CEP152: variants seen among roughly 807,000 people sequenced by gnomAD.
CEP152 encodes centrosomal protein 152, also known as centrosomal protein of 152 kDa.
CEP152 carries 132 observed loss-of-function variants against 188.9 expected under a neutral mutation model. The observed-to-expected ratio is 0.70, with a 90% CI of 0.61 to 0.81. CEP152 has a LOEUF of 0.81. Ranked by LOEUF, CEP152 falls within the 30% of genes least tolerant of loss-of-function variation. CEP152 has a pLI of 0.00. For missense variants in CEP152, 1,914 were observed against 1,969.8 expected (o/e 0.97, Z 0.54); for synonymous variants, 649 against 666.6 (o/e 0.97, Z 0.41).
intron 8 of CEP152, among the ~76,000 whole-genome samples, chr15:48,790,128 A>G (rs144156933): frequency 6.6e-6 from 1 of 152,376 alleles, no homozygotes; most frequent in African/African-American, 2.4e-5. Flanking sequence ...ATTATTCTTC[A>G]TTCTATTCCA....
chr15:48,744,128 GTAATTTGGAA>G, intron 24 of CEP152, 102 bp downstream of exon 24: 2 of 1,503,908 alleles, frequency 1.3e-6, no homozygotes, highest in East Asian at 4.9e-5. Flanking sequence ...GAAGAAAAAG[GTAATTTGGAA>G]AATTCCCTAG....
chr15:48,736,710 C>CA, downstream of CEP152, among the ~76,000 whole-genome samples: 1 of 152,148 alleles, frequency 6.6e-6, no homozygotes, highest in African/African-American at 2.4e-5. Flanking sequence ...TTATGAGTAT[C>CA]AAAAAAGATT....
At chr15:48,734,396 TAA>T (rs571173931), downstream of CEP152, among the ~76,000 whole-genome samples, 1 of 135,092 alleles carries the variant, frequency 7.4e-6, no homozygotes. Context: ...GAAAAATAGC[TAA>T]AAAAAAAAAG....
chr15:48,781,493 T>G, intron 11 of CEP152, 134 bp from the exon 12 acceptor site: 1 of 653,404 alleles, frequency 1.5e-6, no homozygotes, highest in South Asian at 1.9e-5. Context: ...TAGTACACAT[T>G]ATACTTTATA....
chr15:48,751,209 A>G (rs1017746175), intron 21 of CEP152, among the ~76,000 whole-genome samples: 4 of 152,130 alleles, frequency 2.6e-5, no homozygotes, highest in African/African-American at 9.7e-5. Flanking sequence ...CTAAAGAAAA[A>G]TATTTTTATA....
chr15:48,741,964 C>T lies in CEP152; in HGVS notation c.3972G>A (p.Gln1324=). 1 of 1,614,156 alleles carries T rather than the reference C, an allele frequency of 6.2e-7. No individual in the cohort carries two copies. The highest frequency in any genetic ancestry group is 8.5e-7 in the Non-Finnish European group (1 of 1,180,012). The change falls in exon 25 of 27, where the codon CAG becomes CAA. Residue 1324 remains glutamine, a synonymous_variant. Transcript: ENST00000380950. ...GAACTCACCCTTCTTTTCCATCATC[C>T]TGCAAAATCTGTTGGAGGCAAATCA... ...YYLICLQQIL[Q]DDGKEGAEKK...
rs1566986666 is a variant in CEP152, at chr15:48,756,020, A to G, written c.3228T>C (p.Thr1076=). The part of the protein sequence containing the change: ...EDKQLLEIMS[T]CSSKWMSVQY... ...GCACAGACATCCATTTTGAAGAACA[A>G]GTCGACATGATTTCCAAAAGCTGCT... The change falls in exon 20 of 27, where the codon ACT becomes ACC. Residue 1076 remains threonine, a synonymous_variant. Coordinates refer to ENST00000380950, the MANE Select transcript of CEP152 (RefSeq NM_001194998.2). The G allele has an allele frequency of 1.9e-6, 3 of 1,614,132 alleles. No homozygotes were observed. Among genetic ancestry groups the G allele is most frequent in the Non-Finnish European group, 2.5e-6 (3 of 1,179,982 alleles).
chr15:48,743,145 GT>G lies in CEP152; in HGVS notation c.3836-1046del, dbSNP rs1041932535. Among the ~76,000 whole-genome samples the G allele has an allele frequency of 3.2e-4, 49 of 152,264 alleles. 1 individual carries two copies. The highest frequency in any genetic ancestry group is 1.1e-3 in the African/African-American group (45 of 41,536). On this transcript the variant is annotated intron_variant, in intron 24 of 26. Transcript: ENST00000380950. ...TAATACATTATTAACAAAAAGTTGC[GT>G]TGCTTGTAGCAATATGCCCTTTATT...
chr15:48,786,962 A>G (rs551211688), intron 9 of CEP152, among the ~76,000 whole-genome samples: 5 of 152,218 alleles, frequency 3.3e-5, no homozygotes, highest in African/African-American at 1.2e-4. Flanking sequence ...CCCCAACCCA[A>G]TAAGGAAAAG....
At chr15:48,751,022 T>C (rs952375704) in intron 21 of CEP152, among the ~76,000 whole-genome samples, 39 of 152,172 alleles carry the variant, frequency 2.6e-4, no homozygotes, top group African/African-American at 8.4e-4. Context: ...TATTTCATAA[T>C]TAATGTTTTA....
At chr15:48,801,048 A>G (rs923053471) in intron 2 of CEP152, among the ~76,000 whole-genome samples, 4 of 152,202 alleles carry the variant, frequency 2.6e-5, no homozygotes, top group African/African-American at 9.6e-5. Context: ...AATATTCATG[A>G]AGGCAAGAGG....
chr15:48,800,447 C>A (rs1205946336), intron 2 of CEP152, among the ~76,000 whole-genome samples: 1 of 152,058 alleles, frequency 6.6e-6, no homozygotes, highest in African/African-American at 2.4e-5. Flanking sequence ...AAAGTGTGCC[C>A]TCCTCATATA....
chr15:48,736,201 C>T (rs555521559), downstream of CEP152, among the ~76,000 whole-genome samples: 1 of 152,272 alleles, frequency 6.6e-6, no homozygotes, highest in East Asian at 1.9e-4. Context: ...ACCTAGTAAA[C>T]TCCATCCAAT....
intron 17 of CEP152, among the ~76,000 whole-genome samples, chr15:48,766,286 T>C (rs1595637008): frequency 1.3e-5 from 2 of 152,238 alleles, no homozygotes; most frequent in African/African-American, 4.8e-5. Flanking sequence ...GTATAGAACA[T>C]TTATTTAAGC....
At chr15:48,751,503 C>T (rs1034402291) in intron 21 of CEP152, among the ~76,000 whole-genome samples, 1 of 152,150 alleles carries the variant, frequency 6.6e-6, no homozygotes, top group Non-Finnish European at 1.5e-5. Flanking sequence ...GGCAGAGATT[C>T]TCTAAGATTC....
rs116967603 is a variant in CEP152 at position 48,742,640 on chromosome 15, T to C, written c.3836-540A>G. ...CACTTTTTGAGCATCTAACTAAATA[T>C]AATATTACAATTCATAAGAGATATG... On this transcript the variant is annotated intron_variant, in intron 24 of 26. Transcript: ENST00000380950. 2.8e-4 allele frequency among the ~76,000 whole-genome samples: 43 copies of C among 152,170 alleles called. 1 individual carries two copies. The East Asian group carries it at 8.3e-3, about 29-fold the overall frequency.
chr15:48,742,471 T>C (rs1893049475), intron 24 of CEP152, among the ~76,000 whole-genome samples: 2 of 151,862 alleles, frequency 1.3e-5, no homozygotes, highest in African/African-American at 2.4e-5. Flanking sequence ...AAAAATAAAA[T>C]ATAGAGAAAA....
At chr15:48,735,006 T>A (rs973824950), downstream of CEP152, among the ~76,000 whole-genome samples, 6 of 152,182 alleles carry the variant, frequency 3.9e-5, no homozygotes, top group Non-Finnish European at 8.8e-5. Flanking sequence ...TGAACAATGC[T>A]ATCAACCAAC....
rs774775465 is a variant in CEP152 at position 48,762,513 on chromosome 15, C to T, written c.2440G>A (p.Glu814Lys). ...ISKKEMAIMIEEQKCTIQQNL... is the reference protein window; with the variant it reads ...ISKKEMAIMIKEQKCTIQQNL... ...TGCTGGATTGTGCACTTCTGCTCTT[C>T]TATCATAATTGCCATCTCTTTCTTG... Residue 814 changes from glutamate to lysine, a missense_variant, in exon 18 of 27, where the codon GAA (glutamate) becomes AAA (lysine). Transcript: ENST00000380950. 13 of 1,613,942 alleles carry T rather than the reference C, an allele frequency of 8.1e-6. No homozygotes were observed. The highest frequency in any genetic ancestry group is 1.3e-5 in the African/African-American group (1 of 74,914).
Sources: gnomAD v4.1 joint callset for allele counts (sites outside exome capture counted in the v4.1 genomes callset) on GRCh38, gnomAD v4.1.1 for gene constraint, MANE v1.5 for transcripts, NCBI Gene and HGNC (gene_info 2026-07-23, HGNC 2026-07-21) for gene names.